Variants in C9orf153 observed in about 807,000 individuals in gnomAD.
C9orf153 encodes chromosome 9 open reading frame 153, also known as uncharacterized protein C9orf153.
A neutral mutation model predicts 9.0 loss-of-function variants in C9orf153; 10 were observed. That is an observed-to-expected ratio of 1.11 (90% CI 0.69 to 1.89). The LOEUF (loss-of-function observed/expected upper bound fraction) is 1.89, where lower values mean the gene tolerates loss of function less well. Ranked by LOEUF, C9orf153 falls within the 40% of genes most tolerant of loss-of-function variation. The pLI is 0.00. For synonymous variants in C9orf153, 35 were observed against 37.3 expected, an observed-to-expected ratio of 0.94 and a Z score of 0.23; for missense variants, 108 against 111.0, an observed-to-expected ratio of 0.97 and a Z score of 0.12.
intron 3 of C9orf153, among the ~76,000 whole-genome samples, chr9:86,224,190 C>A (rs1401965613): frequency 1.3e-5 from 2 of 151,986 alleles, no homozygotes; most frequent in African/African-American, 4.8e-5. Context: ...AGTTCAAGAC[C>A]AGCCTGGGCA....
chr9:86,232,701 G>T (rs181111855), intron 1 of C9orf153, among the ~76,000 whole-genome samples: 1 of 151,814 alleles, frequency 6.6e-6, no homozygotes, highest in Non-Finnish European at 1.5e-5. Flanking sequence ...CCCACCCAGG[G>T]TGTATATTTT....
At chr9:86,247,884 G>A (rs949616899) in intron 1 of C9orf153, among the ~76,000 whole-genome samples, 2 of 152,016 alleles carry the variant, frequency 1.3e-5, no homozygotes, top group Non-Finnish European at 2.9e-5. Context: ...CCATTATAGA[G>A]GCAGTCCTCT....
Position 86,231,264 on chromosome 9 carries a change from C to T in C9orf153, c.-26-1635G>A, listed in dbSNP as rs115401830. On this transcript the variant is annotated intron_variant, in intron 1 of 3. Transcript: ENST00000339137. ...AAGAGTAAATTATTATTGTTTCAAA[C>T]CACTAAGCTTTGCATGAATTGTTAT... Among the ~76,000 whole-genome samples the T allele has an allele frequency of 4.1e-3, 627 of 152,260 alleles. 9 individuals are homozygous for T. The highest frequency in any genetic ancestry group is 0.012 in the African/African-American group (513 of 41,540).
chr9:86,233,166 C>G, intron 1 of C9orf153, among the ~76,000 whole-genome samples: 1 of 152,140 alleles, frequency 6.6e-6, no homozygotes, highest in African/African-American at 2.4e-5. Flanking sequence ...TGGCTCCTTC[C>G]TTTCTTTGCA....
intron 3 of C9orf153, among the ~76,000 whole-genome samples, chr9:86,226,032 T>C (rs1023726852): frequency 3.9e-5 from 6 of 152,196 alleles, no homozygotes; most frequent in Non-Finnish European, 8.8e-5. Flanking sequence ...CAGTAGGTTT[T>C]TGATTAGTTC....
At chr9:86,244,526 TA>T (rs1259069682) in intron 1 of C9orf153, among the ~76,000 whole-genome samples, 1 of 152,230 alleles carries the variant, frequency 6.6e-6, no homozygotes, top group Non-Finnish European at 1.5e-5. Context: ...AGATGTATGA[TA>T]AAAACCAATG....
intron 2 of C9orf153, 80 bp downstream of exon 2, chr9:86,229,458 C>A: frequency 1.0e-6 from 1 of 967,446 alleles, no homozygotes; most frequent in Non-Finnish European, 1.6e-6. Flanking sequence ...TGTCACTGTG[C>A]GTTCAATAGT....
intron 3 of C9orf153, among the ~76,000 whole-genome samples, chr9:86,223,421 T>C (rs1412759744): frequency 6.6e-6 from 1 of 152,070 alleles, no homozygotes; most frequent in Non-Finnish European, 1.5e-5. Context: ...TGAGCCGAGA[T>C]CGTGCTGCTG....
At chr9:86,227,250 G>A in intron 3 of C9orf153, 2 of 1,309,828 alleles carry the variant, frequency 1.5e-6, no homozygotes, top group Non-Finnish European at 9.7e-7. Context: ...GTGCTCAAGT[G>A]ATCCTCCCAC....
At position 86,221,087 on chromosome 9, in the gene C9orf153, G is replaced by A. The variant is rs1008816853; in HGVS notation, c.*601C>T. 1.3e-5 allele frequency: 2 copies of A among 152,132 alleles called. No homozygotes were observed. The highest frequency in any genetic ancestry group is 2.9e-5 in the Non-Finnish European group (2 of 68,024). 9.4% of individuals were successfully genotyped at this position (152,132 alleles called of 1,614,324 possible). ...CTGTTTCCTTCTTTGTCACTGGACA[G>A]TTAATAGATTATATTTAAGTTCTCA... On this transcript the variant is annotated 3_prime_UTR_variant, in exon 4 of 4. Transcript: ENST00000339137.
intron 1 of C9orf153, among the ~76,000 whole-genome samples, chr9:86,251,914 TACAC>T (rs34620205): frequency 5.0e-5 from 7 of 140,234 alleles, no homozygotes; most frequent in Non-Finnish European, 9.1e-5. Flanking sequence ...TTAGGTAAAC[TACAC>T]ACACACACAC....
At chr9:86,255,588 C>A (rs999922522) in intron 1 of C9orf153, among the ~76,000 whole-genome samples, 2 of 152,192 alleles carry the variant, frequency 1.3e-5, no homozygotes, top group Admixed American at 1.3e-4. Flanking sequence ...TCTCTCCCTG[C>A]CATAACCTGT....
chr9:86,256,878 A>G (rs748653287), intron 1 of C9orf153, among the ~76,000 whole-genome samples: 1 of 152,118 alleles, frequency 6.6e-6, no homozygotes, highest in Non-Finnish European at 1.5e-5. Context: ...TACTATTTTG[A>G]GTGAGTCACT....
chr9:86,249,602 G>A (rs1006954701), intron 1 of C9orf153, among the ~76,000 whole-genome samples: 6 of 150,258 alleles, frequency 4.0e-5, no homozygotes, highest in Admixed American at 2.7e-4. Context: ...AGGTTGGAGC[G>A]CAGTGGCGCG....
intron 3 of C9orf153, among the ~76,000 whole-genome samples, chr9:86,222,915 C>T (rs1824238354): frequency 6.6e-6 from 1 of 152,154 alleles, no homozygotes; most frequent in African/African-American, 2.4e-5. Flanking sequence ...TCCAATCAGT[C>T]CTCCATCCCT....
chr9:86,224,010 C>T (rs56065719), intron 3 of C9orf153, among the ~76,000 whole-genome samples: 8,925 of 152,158 alleles, frequency 0.059, 863 homozygotes, highest in African/African-American at 0.2. Context: ...GTCCCAGCTA[C>T]TGGGGAGGCT....
chr9:86,254,070 G>A (rs1465339267), intron 1 of C9orf153, among the ~76,000 whole-genome samples: 1 of 129,602 alleles, frequency 7.7e-6, no homozygotes, highest in Non-Finnish European at 1.6e-5. Flanking sequence ...CAGCCTGGGA[G>A]ACAGAGCGAG....
rs1255940112 is a variant in C9orf153 at position 86,235,775 on chromosome 9, GAGAA to G, written c.-26-6150_-26-6147del. Among the ~76,000 whole-genome samples, 13 of 140,422 alleles carry G rather than the reference GAGAA, an allele frequency of 9.3e-5. No individual in the cohort carries two copies. The East Asian group carries it at 2.3e-3, about 25-fold the overall frequency. The allele number at this position is 140,422 out of a possible 152,430, so 92.1% of individuals were successfully genotyped here. A position where few individuals can be genotyped will look rare whatever the true frequency, so the allele number is the denominator to read the frequency against. On this transcript the variant is annotated intron_variant, in intron 1 of 3. Transcript: ENST00000339137. ...AAAAAAAAAAAAAAAAAAAGAGAGA[GAGAA>G]AGAAAAACACTGGAAAATAAATGGT...
At chr9:86,224,853 A>ATTGCTTG (rs1288799117) in intron 3 of C9orf153, among the ~76,000 whole-genome samples, 1 of 144,464 alleles carries the variant, frequency 6.9e-6, no homozygotes, top group Admixed American at 7.3e-5. Flanking sequence ...AGGCAGGAGA[A>ATTGCTTG]TTGCTTGAAC....
Sources: allele counts gnomAD v4.1 joint callset (sites outside exome capture counted in the v4.1 genomes callset), GRCh38; gene constraint gnomAD v4.1.1; transcripts MANE v1.5; gene names NCBI Gene and HGNC (gene_info 2026-07-23, HGNC 2026-07-21).